HTT: variants seen among roughly 807,000 people sequenced by gnomAD.
The protein encoded by HTT is huntington disease protein.
A neutral mutation model predicts 362.3 loss-of-function variants in HTT; 104 were observed. The observed-to-expected ratio is 0.29, with a 90% CI of 0.24 to 0.34. HTT has a LOEUF of 0.34. Ranked by LOEUF, HTT falls within the 10% of genes least tolerant of loss-of-function variation. HTT has a pLI of 1.00. For synonymous variants in HTT, 1,577 were observed against 1,548.7 expected, an observed-to-expected ratio of 1.02 and a Z score of -0.43; for missense variants, 3,301 against 3,928.6, an observed-to-expected ratio of 0.84 and a Z score of 4.27.
chr4:3,122,748 C>A, intron 9 of HTT, 141 bp from the exon 10 acceptor site: 1 of 581,490 alleles, frequency 1.7e-6, no homozygotes, highest in Non-Finnish European at 3.1e-6. Context: ...AAATGTTGAA[C>A]TGCGATGTTA....
rs1720189698 is a variant in HTT, at chr4:3,212,155, A to G, written c.6628+13A>G. ...AATGATCTGTTTGGTAATTAAAATT[A>G]AAATTTATCTTATTTTTAAAAAGCA... On this transcript the variant is annotated intron_variant, in intron 48 of 66. Transcript: ENST00000355072. 6.3e-7 allele frequency: 1 copy of G among 1,589,570 alleles called. No homozygotes were observed. Among genetic ancestry groups the G allele is most frequent in the Non-Finnish European group, 8.6e-7 (1 of 1,162,432 alleles).
intron 29 of HTT, among the ~76,000 whole-genome samples, chr4:3,166,330 G>A (rs1717704955): frequency 6.6e-6 from 1 of 152,174 alleles, no homozygotes; most frequent in Non-Finnish European, 1.5e-5. Context: ...TGAGGTGTTT[G>A]TTGGCCCCTA....
chr4:3,108,226 C>T (rs1714538648), intron 6 of HTT, among the ~76,000 whole-genome samples: 1 of 152,188 alleles, frequency 6.6e-6, no homozygotes, highest in South Asian at 2.1e-4. Flanking sequence ...TGCTACTGCT[C>T]TTATTAGCTG....
rs983393260 is a variant in HTT at position 3,225,669 on chromosome 4, A to G, written c.7774A>G (p.Ile2592Val). 2 of 1,613,906 alleles carry G rather than the reference A, an allele frequency of 1.2e-6. No individual in the cohort carries two copies. The highest frequency in any genetic ancestry group is 1.7e-6 in the Non-Finnish European group (2 of 1,179,946). ...GGTGCTGGTGTTCACAGGTGCCCTC[A>G]TCAGCCACGAGAAGCTGCTGCTACA... ...SLSPATTGALISHEKLLLQIN... is the reference protein window; with the variant it reads ...SLSPATTGALVSHEKLLLQIN... The change falls in exon 57 of 67, where the codon ATC becomes GTC. Residue 2592 changes from isoleucine to valine, a missense_variant. Around this residue, in one of 4 missense-constraint regions of HTT, gnomAD observed 753 missense variants for 1,021.3 expected, o/e 0.74. Transcript: ENST00000355072.
Position 3,127,316 on chromosome 4 carries a change from C to T in HTT, c.1455C>T (p.Ser485=), listed in dbSNP as rs536416239. 1.3e-5 allele frequency: 21 copies of T among 1,614,188 alleles called. No homozygotes were observed. Among genetic ancestry groups the T allele is most frequent in the African/African-American group, 6.7e-5 (5 of 75,042 alleles). ...SGELAASSGV[S]TPGSAGHDII... is the part of the protein sequence containing the mutation. ...AGCTGGCTGCTTCTTCAGGGGTTTC[C>T]ACTCCAGGGTCAGCAGGTCATGACA... is the stretch of plus-strand genomic sequence containing the variant. The change falls in exon 12 of 67, where the codon TCC becomes TCT. Residue 485 remains serine (S), a synonymous_variant. Transcript: ENST00000355072.
At position 3,214,086 on chromosome 4, in the gene HTT, G is replaced by A. The variant is rs1300270948; in HGVS notation, c.6903G>A (p.Val2301=). 1.3e-6 allele frequency: 2 copies of A among 1,598,250 alleles called. No individual in the cohort carries two copies. Among genetic ancestry groups the A allele is most frequent in the East Asian group, 4.6e-5 (2 of 43,754 alleles). Residue 2301 remains valine, a synonymous_variant, in exon 50 of 67, where the codon GTG becomes GTA. Coordinates refer to ENST00000355072, the MANE Select transcript of HTT (RefSeq NM_001388492.1). Reference sequence around the variant, plus strand: ...GCGTGGTCTCCTCCACAGAGTTTGTGACCCACGCCTGCTCCCTCATCTACT... The same window carrying A: ...GCGTGGTCTCCTCCACAGAGTTTGTAACCCACGCCTGCTCCCTCATCTACT... ...LWSVVSSTEF[V]THACSLIYCV...
At chr4:3,233,970 C>A (rs1721394511) in intron 61 of HTT, among the ~76,000 whole-genome samples, 1 of 152,254 alleles carries the variant, frequency 6.6e-6, no homozygotes, top group Admixed American at 6.5e-5. Context: ...GAGTCATAGG[C>A]TTCTGCACAC....
intron 28 of HTT, among the ~76,000 whole-genome samples, chr4:3,157,715 C>G (rs961945693): frequency 6.6e-6 from 1 of 152,118 alleles, no homozygotes; most frequent in African/African-American, 2.4e-5. Context: ...CCAGATACCC[C>G]CAAGAGCCAG....
At chr4:3,230,220 G>C (rs899582209) in intron 60 of HTT, among the ~76,000 whole-genome samples, 178 bp downstream of exon 60, 7 of 152,194 alleles carry the variant, frequency 4.6e-5, no homozygotes, top group Admixed American at 2.0e-4. Context: ...GTTCAGCGAC[G>C]GTCAGTGCCA....
chr4:3,081,204 C>T (rs1430265553), intron 1 of HTT, among the ~76,000 whole-genome samples: 1 of 152,182 alleles, frequency 6.6e-6, no homozygotes, highest in African/African-American at 2.4e-5. Context: ...ATATTGTCTT[C>T]CACCTATGAA....
At position 3,228,120 on chromosome 4, in the gene HTT, C is replaced by T. The variant is rs1311773682; in HGVS notation, c.7849-495C>T. On this transcript the variant is annotated intron_variant, in intron 57 of 66. Transcript: ENST00000355072. The surrounding 1 kb of genome is among the most constrained non-coding windows in gnomAD (Gnocchi z 4.3). The stretch of plus-strand genomic sequence containing the variant: ...GCACTGTGCCAAGTGCTCGAGGCTT[C>T]CCGAGAACCAGGCAGAAAGGAGGAC... Among the ~76,000 whole-genome samples, 3 of 152,156 alleles carry T rather than the reference C, an allele frequency of 2.0e-5. No homozygotes were observed. Among genetic ancestry groups the T allele is most frequent in the African/African-American group, 4.8e-5 (2 of 41,434 alleles).
At chr4:3,115,557 G>A (rs2110171683) in intron 7 of HTT, 112 bp downstream of exon 7, 1 of 870,002 alleles carries the variant, frequency 1.1e-6, no homozygotes, top group Admixed American at 2.5e-5. Flanking sequence ...ATTTGGCACT[G>A]GTTGATTGAA....
intron 22 of HTT, among the ~76,000 whole-genome samples, chr4:3,141,078 C>T (rs971085193): frequency 2.0e-5 from 3 of 152,150 alleles, no homozygotes; most frequent in South Asian, 2.1e-4. Context: ...CAGTGATTTG[C>T]GAGATTATCA....
At position 3,208,816 on chromosome 4, in the gene HTT, A is replaced by G. The variant is rs776893762; in HGVS notation, c.6196A>G (p.Thr2066Ala). Residue 2066 changes from threonine to alanine, a missense_variant, in exon 46 of 67, where the codon ACC (threonine) becomes GCC (alanine). Thr to Ala is a moderately conservative substitution (Grantham distance 58). This residue lies in a region of HTT where 2,316 missense variants were observed against 2,658.5 expected (regional missense o/e 0.87). Coordinates refer to ENST00000355072, the MANE Select transcript of HTT (RefSeq NM_001388492.1). ...YSLLDRFRLS[T>A]MQDSLSPSPP... is the part of the protein sequence containing the mutation. ...CCTGCTGGACAGGTTTCGTCTCTCC[A>G]CCATGCAAGACTCACTTAGTCCCTC... The G allele has an allele frequency of 1.2e-6, 2 of 1,613,624 alleles. No individual in the cohort carries two copies. The highest frequency in any genetic ancestry group is 1.7e-6 in the Non-Finnish European group (2 of 1,179,976).
intron 26 of HTT, among the ~76,000 whole-genome samples, chr4:3,150,930 C>G (rs1716850530): frequency 6.6e-6 from 1 of 152,070 alleles, no homozygotes; most frequent in Non-Finnish European, 1.5e-5. Flanking sequence ...TCCCAGCTAC[C>G]TGGGAGGCTG....
At chr4:3,119,946 C>T (rs1001127943) in intron 8 of HTT, among the ~76,000 whole-genome samples, 12 of 152,122 alleles carry the variant, frequency 7.9e-5, no homozygotes, top group African/African-American at 4.8e-5. Context: ...CTCAACACTA[C>T]CTTTGTAGCA....
At position 3,206,225 on chromosome 4, in the gene HTT, T is replaced by C. The variant is rs1002963193; in HGVS notation, c.5719-271T>C. Among the ~76,000 whole-genome samples the C allele has an allele frequency of 1.3e-5, 2 of 152,232 alleles. No individual in the cohort carries two copies. The highest frequency in any genetic ancestry group is 2.9e-5 in the Non-Finnish European group (2 of 68,048). On this transcript the variant is annotated intron_variant, in intron 42 of 66. Transcript: ENST00000355072. The surrounding 1 kb of genome is among the most constrained non-coding windows in gnomAD (Gnocchi z 4.6). ...CCTTTGACCCTTGGCCATTTGTTAGTGTCTCTGAGAGCTGGACTGCTGTAC... is the reference window on the plus strand; with the variant it reads ...CCTTTGACCCTTGGCCATTTGTTAGCGTCTCTGAGAGCTGGACTGCTGTAC...
Position 3,136,314 on chromosome 4 carries a change from C to A in HTT, c.2786C>A (p.Ala929Glu). 1.3e-6 allele frequency: 2 copies of A among 1,581,284 alleles called. No homozygotes were observed. The highest frequency in any genetic ancestry group is 1.7e-6 in the Non-Finnish European group (2 of 1,150,812). The change falls in exon 21 of 67, where the codon GCA becomes GAA. Residue 929 changes from alanine (A) to glutamate (E), a missense_variant. By Grantham distance (107) the Ala-to-Glu change is moderately radical. Coordinates refer to ENST00000355072, the MANE Select transcript of HTT (RefSeq NM_001388492.1). Reference protein sequence around the residue: ...EDPRVRHVAAASLIRLVPKLF... With the variant: ...EDPRVRHVAAESLIRLVPKLF... ...CCCAGGGTGCGACATGTTGCCGCAGCATCACTAATTAGGTATTTACCAATA... is the reference window on the plus strand; with the variant it reads ...CCCAGGGTGCGACATGTTGCCGCAGAATCACTAATTAGGTATTTACCAATA...
At chr4:3,083,899 A>G (rs1199288357) in intron 1 of HTT, among the ~76,000 whole-genome samples, 3 of 152,226 alleles carry the variant, frequency 2.0e-5, no homozygotes, top group South Asian at 2.1e-4. Context: ...ATGTCCTTCA[A>G]CAGGTGAATG....
Sources: gnomAD v4.1 joint callset for allele counts (sites outside exome capture counted in the v4.1 genomes callset) on GRCh38, gnomAD v4.1.1 for gene constraint, gnomAD v4.1.1 regional missense constraint, Gnocchi (gnomAD v3.1) non-coding constraint, MANE v1.5 for transcripts, NCBI Gene and HGNC (gene_info 2026-07-23, HGNC 2026-07-21) for gene names.